DMRT1: variants seen among roughly 807,000 people sequenced by gnomAD.
DMRT1 encodes doublesex and mab-3 related transcription factor 1.
DMRT1 carries 7 observed loss-of-function variants against 32.3 expected under a neutral mutation model. That is an observed-to-expected ratio of 0.22 (90% CI 0.12 to 0.41). The LOEUF (loss-of-function observed/expected upper bound fraction) is 0.41, where lower values mean the gene tolerates loss of function less well. Ranked by LOEUF, DMRT1 falls within the 10% of genes least tolerant of loss-of-function variation. The pLI, the probability that DMRT1 is intolerant of heterozygous loss-of-function variation, is 1.00. For synonymous variants in DMRT1, 278 were observed against 206.1 expected (o/e 1.35, Z -2.99); for missense variants, 625 against 500.5 (o/e 1.25, Z -2.37).
chr9:851,028 C>CAAAAAAAAAA (rs869227462), intron 2 of DMRT1, among the ~76,000 whole-genome samples: 1 of 94,782 alleles, frequency 1.1e-5, no homozygotes, highest in African/African-American at 4.3e-5. Context: ...GACTCTATCT[C>CAAAAAAAAAA]AAAAAAAAAA....
chr9:846,212 T>A (rs186562889), intron 1 of DMRT1, among the ~76,000 whole-genome samples: 192 of 152,146 alleles, frequency 1.3e-3, no homozygotes, highest in African/African-American at 4.5e-3. Flanking sequence ...GTATTTTTTT[T>A]AGTGGAGATG....
At chr9:959,313 C>G (rs1056072497) in intron 4 of DMRT1, among the ~76,000 whole-genome samples, 2 of 152,170 alleles carry the variant, frequency 1.3e-5, no homozygotes, top group Admixed American at 1.3e-4. Context: ...GCACAGAGTC[C>G]CTGAGGAACT....
intron 2 of DMRT1, among the ~76,000 whole-genome samples, chr9:862,107 G>A (rs1433634750): frequency 2.6e-4 from 35 of 133,524 alleles, no homozygotes; most frequent in African/African-American, 8.7e-4. Flanking sequence ...GGTGGCGGCT[G>A]GGCAGAGGCT....
chr9:967,841 A>C (rs1164870733), intron 4 of DMRT1, 144 bp from the exon 5 acceptor site: 1 of 820,040 alleles, frequency 1.2e-6, no homozygotes, highest in East Asian at 2.7e-5. Flanking sequence ...AGTGTCTATA[A>C]AAACACTTTC....
At chr9:870,863 C>T (rs758125972) in intron 2 of DMRT1, among the ~76,000 whole-genome samples, 9 of 151,912 alleles carry the variant, frequency 5.9e-5, no homozygotes, top group East Asian at 1.9e-4. Flanking sequence ...AGGTGCACAC[C>T]GCCAAGTGTG....
At position 894,098 on chromosome 9, in the gene DMRT1, G is replaced by C; in HGVS notation, c.725G>C (p.Gly242Ala). Reference sequence around the variant, plus strand: ...GCCTTGGCTGCTGATTCTGCTTCTGGGGAGGTGGGAAATCCCCTCGGGGGA... The same window carrying C: ...GCCTTGGCTGCTGATTCTGCTTCTGCGGAGGTGGGAAATCCCCTCGGGGGA... ...SMALAADSAS[G>A]EVGNPLGGSP... The change falls in exon 3 of 5, where the codon GGG becomes GCG. Residue 242 changes from glycine (G) to alanine (A), a missense_variant. This residue lies in a region of DMRT1 where 416 missense variants were observed against 321.6 expected (regional missense o/e 1.29). Coordinates refer to ENST00000382276, the MANE Select transcript of DMRT1 (RefSeq NM_021951.3). The C allele has an allele frequency of 6.2e-7, 1 of 1,614,238 alleles. No individual in the cohort carries two copies. The highest frequency in any genetic ancestry group is 8.5e-7 in the Non-Finnish European group (1 of 1,180,044).
intron 2 of DMRT1, among the ~76,000 whole-genome samples, chr9:849,299 G>A (rs2132548351): frequency 6.6e-6 from 1 of 152,300 alleles, no homozygotes; most frequent in East Asian, 1.9e-4. Context: ...TTTAGAGGCT[G>A]TGGTCTAATC....
chr9:898,699 C>T (rs73639475), intron 3 of DMRT1, among the ~76,000 whole-genome samples: 2,993 of 152,294 alleles, frequency 0.02, 105 homozygotes, highest in African/African-American at 0.069. Context: ...ATGGCTCAAC[C>T]TTGAGGCCAG....
At chr9:944,446 C>G (rs1819177471) in intron 4 of DMRT1, among the ~76,000 whole-genome samples, 1 of 152,134 alleles carries the variant, frequency 6.6e-6, no homozygotes, top group Non-Finnish European at 1.5e-5. Flanking sequence ...CAGCTCACTC[C>G]CCTCTTGCTC....
chr9:890,896 T>TG (rs1398017910), intron 2 of DMRT1, among the ~76,000 whole-genome samples: 1 of 151,318 alleles, frequency 6.6e-6, no homozygotes, highest in African/African-American at 2.4e-5. Flanking sequence ...AATTTTTTTT[T>TG]GTATTTTTTT....
chr9:956,925 G>C (rs998470377), intron 4 of DMRT1, among the ~76,000 whole-genome samples: 2 of 152,134 alleles, frequency 1.3e-5, no homozygotes, highest in African/African-American at 2.4e-5. Context: ...CAGCTAGGGA[G>C]AAAAAGGAAA....
Position 846,442 on chromosome 9 carries a change from T to A in DMRT1, c.355-518T>A, listed in dbSNP as rs186746356. 3.3e-5 allele frequency among the ~76,000 whole-genome samples: 5 copies of A among 152,266 alleles called. No individual in the cohort carries two copies. In the East Asian group the frequency reaches 9.7e-4, roughly 29 times the overall value. On this transcript the variant is annotated intron_variant, in intron 1 of 4. Coordinates refer to ENST00000382276, the MANE Select transcript of DMRT1 (RefSeq NM_021951.3). ...GTTTATGGAATGAAGGAGTGAGTGA[T>A]CCCATTTTCCTTCCTAATCTGTTAG...
intron 1 of DMRT1, among the ~76,000 whole-genome samples, chr9:845,413 G>A (rs1034355983): frequency 5.3e-5 from 8 of 152,006 alleles, no homozygotes; most frequent in African/African-American, 7.2e-5. Context: ...TCACCATATT[G>A]GTCAGGCTGG....
intron 2 of DMRT1, among the ~76,000 whole-genome samples, chr9:861,050 C>CTTTTTT (rs140608243): frequency 3.3e-5 from 4 of 121,382 alleles, no homozygotes; most frequent in African/African-American, 6.0e-5. Flanking sequence ...AATTTACTTT[C>CTTTTTT]TTTTTTTTTT....
chr9:905,218 G>C (rs66869531), intron 3 of DMRT1, among the ~76,000 whole-genome samples: 17,953 of 152,176 alleles, frequency 0.12, 2,196 homozygotes, highest in African/African-American at 0.31. Flanking sequence ...CCCCTCCTTG[G>C]TATAGCATTG....
chr9:865,041 G>A (rs577746743), intron 2 of DMRT1, among the ~76,000 whole-genome samples: 15 of 152,160 alleles, frequency 9.9e-5, no homozygotes, highest in Non-Finnish European at 1.9e-4. Flanking sequence ...CAGTGAGCAT[G>A]GAATTAGAAT....
At position 877,355 on chromosome 9, in the gene DMRT1, G is replaced by T. The variant is rs1035798113; in HGVS notation, c.539-16557G>T. The stretch of plus-strand genomic sequence containing the variant: ...TCACCCCCCTGGAGGGTGCAGTAAG[G>T]GTTCTGAAGGAGGCGATGGTAGAGG... On this transcript the variant is annotated intron_variant, in intron 2 of 4. Coordinates refer to ENST00000382276, the MANE Select transcript of DMRT1 (RefSeq NM_021951.3). Among the ~76,000 whole-genome samples the T allele has an allele frequency of 5.3e-5, 8 of 152,292 alleles. No individual in the cohort carries two copies. The East Asian group carries it at 7.7e-4, about 15-fold the overall frequency.
rs541809176 is a variant in DMRT1 at position 841,882 on chromosome 9, A to C, written c.44A>C (p.Glu15Ala). 28 of 1,612,484 alleles carry C rather than the reference A, an allele frequency of 1.7e-5. No individual in the cohort carries two copies. In the South Asian group the frequency reaches 2.3e-4, roughly 13 times the overall value. ...EAFSKPSTPS[E>A]APHAPGVPPQ... ...TTCAGCAAGCCCTCTACACCGTCGG[A>C]AGCCCCTCACGCCCCCGGGGTACCG... Residue 15 changes from glutamate to alanine, a missense_variant, in exon 1 of 5, where the codon GAA becomes GCA. Glu to Ala is a moderately radical substitution (Grantham distance 107). This residue lies in a region of DMRT1 where 201 missense variants were observed against 152.0 expected (regional missense o/e 1.32). Transcript: ENST00000382276.
At chr9:903,877 A>G (rs932928596) in intron 3 of DMRT1, among the ~76,000 whole-genome samples, 1 of 152,128 alleles carries the variant, frequency 6.6e-6, no homozygotes, top group Non-Finnish European at 1.5e-5. Context: ...GTAGCATCCC[A>G]GGAAGCCAGA....
Sources: allele counts gnomAD v4.1 joint callset (sites outside exome capture counted in the v4.1 genomes callset), GRCh38; gene constraint gnomAD v4.1.1; regional missense constraint gnomAD v4.1.1; transcripts MANE v1.5; gene names NCBI Gene and HGNC (gene_info 2026-07-23, HGNC 2026-07-21).